SASH3: variants seen among roughly 807,000 people sequenced by gnomAD.
SASH3 encodes SAM and SH3 domain-containing protein 3.
In SASH3, 7 loss-of-function variants were observed where a neutral mutation model predicts 26.1. The ratio of observed to expected loss-of-function variants is 0.27; its 90% CI spans 0.15 to 0.50. The LOEUF (loss-of-function observed/expected upper bound fraction) is 0.50, where lower values mean the gene tolerates loss of function less well. Among genes scored for constraint, SASH3 ranks in the 20% least tolerant of loss-of-function variants. The pLI is 0.98. For synonymous variants in SASH3, 138 were observed against 136.8 expected (o/e 1.01, Z -0.06); for missense variants, 231 against 318.3 (o/e 0.73, Z 2.09).
intron 1 of SASH3, among the ~76,000 whole-genome samples, chrX:129,785,673 AGCCGACTTCCGGCCCCAT>A (rs1927094990): frequency 1.8e-5 from 2 of 112,194 alleles, no homozygotes; most frequent in South Asian, 7.3e-4. Flanking sequence ...TCCCCAACAA[AGCCGACTTCCGGCCCCAT>A]GCCTGCCCTC....
At chrX:129,780,864 G>A (rs1009997568) in intron 1 of SASH3, among the ~76,000 whole-genome samples, 1 of 112,344 alleles carries the variant, frequency 8.9e-6, no homozygotes, top group African/African-American at 3.2e-5. Context: ...AGGCTGAGGA[G>A]GGAGGATTTT....
In SASH3 at chrX:129,793,059, A is replaced by C; in HGVS notation, c.872A>C (p.His291Pro). 8.3e-7 allele frequency: 1 copy of C among 1,210,918 alleles called. No individual in the cohort carries two copies. The highest frequency in any genetic ancestry group is 1.1e-6 in the Non-Finnish European group (1 of 895,213). ...LEDFKELRET[H>P]LNELNIMDPQ... ...GACTTCAAAGAGCTGCGAGAAACAC[A>C]CCTCAATGAGCTGAACATCATGGAT... The change falls in exon 7 of 8, where the codon CAC (histidine) becomes CCC (proline). Residue 291 changes from histidine to proline, a missense_variant. By Grantham distance (77) the His-to-Pro change is moderately conservative. Transcript: ENST00000356892.
At chrX:129,789,643 A>C (rs1927196090) in intron 3 of SASH3, among the ~76,000 whole-genome samples, 1 of 111,297 alleles carries the variant, frequency 9.0e-6, no homozygotes, top group Non-Finnish European at 1.9e-5. Context: ...GTCTCAAAAA[A>C]AAGAAAAAAA....
chrX:129,789,668 A>G (rs754289054), intron 3 of SASH3, among the ~76,000 whole-genome samples: 1 of 111,580 alleles, frequency 9.0e-6, no homozygotes, highest in Non-Finnish European at 1.9e-5. Context: ...GAGAAAACAG[A>G]GAAGGCTGGC....
At chrX:129,787,951 T>C in intron 1 of SASH3, 24 bp from the exon 2 acceptor site, 2 of 1,182,270 alleles carry the variant, frequency 1.7e-6, no homozygotes, top group Non-Finnish European at 2.3e-6. Flanking sequence ...AGCCCACTGA[T>C]TGCAACACCC....
At chrX:129,788,137 G>GGGGGGGGGTGGT in intron 2 of SASH3, 67 bp downstream of exon 2, 2 of 354,276 alleles carry the variant, frequency 5.6e-6, no homozygotes, top group Non-Finnish European at 1.1e-5. Flanking sequence ...GGGTGGGAGG[G>GGGGGGGGGTGGT]AAGAGGGTGA....
At chrX:129,782,529 T>C (rs1324773695) in intron 1 of SASH3, among the ~76,000 whole-genome samples, 1 of 112,229 alleles carries the variant, frequency 8.9e-6, no homozygotes, top group African/African-American at 3.2e-5. Flanking sequence ...TATTTGACAC[T>C]TGAGGCTCAC....
intron 7 of SASH3, 71 bp from the exon 8 acceptor site, chrX:129,793,571 T>A: frequency 9.3e-7 from 1 of 1,073,407 alleles, no homozygotes; most frequent in Non-Finnish European, 1.3e-6. Flanking sequence ...AAGGAGAGAC[T>A]GCCTATGGTG....
At chrX:129,787,868 G>C in intron 1 of SASH3, 107 bp from the exon 2 acceptor site, 1 of 559,578 alleles carries the variant, frequency 1.8e-6, no homozygotes, top group South Asian at 2.8e-5. Context: ...TGGCAATGTG[G>C]CTCTGTCAGC....
At chrX:129,789,109 A>AAGAAAGAAAGAAAG (rs1556001552) in intron 3 of SASH3, among the ~76,000 whole-genome samples, 2 of 39,453 alleles carry the variant, frequency 5.1e-5, no homozygotes, top group African/African-American at 2.8e-4. Flanking sequence ...CTCAAAAAAA[A>AAGAAAGAAAGAAAG]AAAGAAAGAA....
intron 3 of SASH3, among the ~76,000 whole-genome samples, chrX:129,789,109 A>AAAAGAGAAAGAAAGAAAGAAAAAG (rs1927166755): frequency 2.5e-5 from 1 of 39,466 alleles, no homozygotes; most frequent in African/African-American, 1.4e-4. Context: ...CTCAAAAAAA[A>AAAAGAGAAAGAAAGAAAGAAAAAG]AAAGAAAGAA....
chrX:129,792,967 G>A lies in SASH3; in HGVS notation c.802-22G>A, dbSNP rs756668311. ...GGGGTGGCTGGTAAGCAGCTGTGCC[G>A]ATGGCCTGCCTCTGCCTACAGGAGC... On this transcript the variant is annotated intron_variant, in intron 6 of 7. Coordinates refer to ENST00000356892, the MANE Select transcript of SASH3 (RefSeq NM_018990.4). 7.4e-6 allele frequency: 9 copies of A among 1,208,328 alleles called. No individual in the cohort carries two copies. In the East Asian group the frequency reaches 1.2e-4, roughly 16 times the overall value.
At chrX:129,788,686 A>T (rs1177026840) in intron 3 of SASH3, 109 bp downstream of exon 3, 2 of 795,738 alleles carry the variant, frequency 2.5e-6, no homozygotes, top group Non-Finnish European at 3.5e-6. Context: ...GGAAGGCCCT[A>T]TTTGATGCAA....
At chrX:129,787,839 C>T (rs1197325329) in intron 1 of SASH3, 136 bp from the exon 2 acceptor site, 1 of 492,695 alleles carries the variant, frequency 2.0e-6, no homozygotes, top group East Asian at 3.5e-5. Flanking sequence ...GTGCGTCACC[C>T]ATTAGCCTGG....
Position 129,793,638 on chromosome X carries a change from G to A in SASH3, c.953-4G>A, listed in dbSNP as rs1016221020. ...ATTCTGTCTCCCTCTCTCGTCCCTGGCAGCTGGCAGTGAGGAGGCTGAAGA... is the reference window on the plus strand; with the variant it reads ...ATTCTGTCTCCCTCTCTCGTCCCTGACAGCTGGCAGTGAGGAGGCTGAAGA... On this transcript the variant is annotated splice_region_variant and splice_polypyrimidine_tract_variant and intron_variant, in intron 7 of 7. Coordinates refer to ENST00000356892, the MANE Select transcript of SASH3 (RefSeq NM_018990.4). The A allele has an allele frequency of 1.7e-6, 2 of 1,209,765 alleles. No homozygotes were observed. The highest frequency in any genetic ancestry group is 2.2e-5 in the Admixed American group (1 of 46,071).
intron 2 of SASH3, 63 bp downstream of exon 2, chrX:129,788,133 G>GGGGGGGGGGT: frequency 3.2e-6 from 1 of 312,638 alleles, no homozygotes. Context: ...GTGGGGGTGG[G>GGGGGGGGGGT]AGGGAAGAGG....
chrX:129,793,993 G>C lies in SASH3; in HGVS notation c.*161G>C. 3.9e-6 allele frequency: 2 copies of C among 507,177 alleles called. No homozygotes were observed. Among genetic ancestry groups the C allele is most frequent in the Non-Finnish European group, 6.3e-6 (2 of 316,793 alleles). The allele number at this position is 507,177 out of a possible 1,213,427, so 41.8% of individuals were successfully genotyped here. ...CAGAGGCCAGGCCAGGGCCCTACAG[G>C]TTCCAGGCTCAGCTGGAGTGGTTGG... On this transcript the variant is annotated 3_prime_UTR_variant, in exon 8 of 8. Transcript: ENST00000356892.
chrX:129,791,564 G>A (rs1927232484), intron 4 of SASH3, among the ~76,000 whole-genome samples: 3 of 112,097 alleles, frequency 2.7e-5, no homozygotes, highest in Non-Finnish European at 5.6e-5. Flanking sequence ...CATAGTTGCT[G>A]GGCTCAGGGC....
chrX:129,781,425 C>T (rs1417658062), intron 1 of SASH3, among the ~76,000 whole-genome samples: 1 of 111,691 alleles, frequency 9.0e-6, no homozygotes, highest in Non-Finnish European at 1.9e-5. Flanking sequence ...GCTCTGTCAT[C>T]CCCGTCCAAA....
Sources: allele counts gnomAD v4.1 joint callset (sites outside exome capture counted in the v4.1 genomes callset), GRCh38; gene constraint gnomAD v4.1.1; transcripts MANE v1.5; gene names NCBI Gene and HGNC (gene_info 2026-07-23, HGNC 2026-07-21).